C12orf75: variants seen among roughly 807,000 people sequenced by gnomAD.
C12orf75 encodes the protein chromosome 12 open reading frame 75.
C12orf75 carries 4 observed loss-of-function variants against 11.4 expected under a neutral mutation model. That is an observed-to-expected ratio of 0.35 (90% CI 0.17 to 0.80). The LOEUF (loss-of-function observed/expected upper bound fraction) is 0.80, where lower values mean the gene tolerates loss of function less well. Among genes scored for constraint, C12orf75 ranks in the 30% least tolerant of loss-of-function variants. The pLI, the probability that C12orf75 is intolerant of heterozygous loss-of-function variation, is 0.52. For synonymous variants in C12orf75, 30 were observed against 30.0 expected, an observed-to-expected ratio of 1.00 and a Z score of 0.00; for missense variants, 89 against 80.4, an observed-to-expected ratio of 1.11 and a Z score of -0.41.
intron 2 of C12orf75, among the ~76,000 whole-genome samples, chr12:105,356,255 G>C (rs1416018471): frequency 6.6e-6 from 1 of 152,114 alleles, no homozygotes; most frequent in Non-Finnish European, 1.5e-5. Context: ...TTGTAGTGTA[G>C]ATGGAAGTAA....
chr12:105,370,450 A>G lies in C12orf75; in HGVS notation c.*34-184A>G, dbSNP rs73383217. Among the ~76,000 whole-genome samples the G allele has an allele frequency of 8.9e-3, 1,363 of 152,324 alleles. 19 individuals carry two copies. Among genetic ancestry groups the G allele is most frequent in the African/African-American group, 0.031 (1,280 of 41,556 alleles). On this transcript the variant is annotated intron_variant, in intron 5 of 5. Transcript: ENST00000443585. ...TTCCTACCCAACTTTGCCTCTTTAT[A>G]TAATTATCATCAATGCTTGGCTCTA...
At chr12:105,348,876 T>C (rs185286973) in intron 2 of C12orf75, among the ~76,000 whole-genome samples, 165 of 152,280 alleles carry the variant, frequency 1.1e-3, no homozygotes, top group African/African-American at 3.8e-3. Context: ...TGTTGAATTG[T>C]GTTTTCCATC....
At chr12:105,354,078 A>G (rs144105941) in intron 2 of C12orf75, among the ~76,000 whole-genome samples, 129 of 152,308 alleles carry the variant, frequency 8.5e-4, no homozygotes, top group African/African-American at 2.9e-3. Flanking sequence ...CCTCATAGAT[A>G]CAGACCTTAG....
intron 2 of C12orf75, among the ~76,000 whole-genome samples, chr12:105,355,197 T>C (rs1892764107): frequency 7.1e-6 from 1 of 141,416 alleles, no homozygotes. Flanking sequence ...TTTTTCAGAG[T>C]TTTGCTCTCT....
intron 2 of C12orf75, among the ~76,000 whole-genome samples, chr12:105,361,889 G>T (rs1892871260): frequency 1.3e-5 from 2 of 152,184 alleles, no homozygotes; most frequent in Non-Finnish European, 2.9e-5. Flanking sequence ...GGACCTGGTT[G>T]TCCAGATGAA....
chr12:105,331,202 C>A (rs1372333886), intron 1 of C12orf75, among the ~76,000 whole-genome samples: 1 of 151,856 alleles, frequency 6.6e-6, no homozygotes, highest in East Asian at 1.9e-4. Context: ...CTGCAGCCGC[C>A]GGGGCTCACC....
intron 1 of C12orf75, among the ~76,000 whole-genome samples, chr12:105,339,280 CAAAT>C (rs1892536406): frequency 6.6e-6 from 1 of 151,902 alleles, no homozygotes; most frequent in South Asian, 2.1e-4. Flanking sequence ...TTTTCTAAAA[CAAAT>C]AAGGAGTAAG....
intron 1 of C12orf75, among the ~76,000 whole-genome samples, chr12:105,334,731 T>A (rs1892478764): frequency 6.6e-6 from 1 of 152,200 alleles, no homozygotes; most frequent in Non-Finnish European, 1.5e-5. Flanking sequence ...GTCAGATTCT[T>A]TACTCACTTG....
At chr12:105,358,791 A>G (rs1180657303) in intron 2 of C12orf75, among the ~76,000 whole-genome samples, 1 of 152,172 alleles carries the variant, frequency 6.6e-6, no homozygotes, top group Non-Finnish European at 1.5e-5. Flanking sequence ...CTCGTGTGCA[A>G]CTAGAAAATG....
chr12:105,342,826 TATG>T lies in C12orf75; in HGVS notation c.47-5771_47-5769del, dbSNP rs1892591133. On this transcript the variant is annotated intron_variant, in intron 1 of 5. Transcript: ENST00000443585. Reference sequence around the variant, plus strand: ...AACCAGGGGCAAAGACCAAATATCTTATGATGAAACTGCAATATCAGATTAAGT... The same window carrying T: ...AACCAGGGGCAAAGACCAAATATCTTATGAAACTGCAATATCAGATTAAGT... 2.0e-5 allele frequency among the ~76,000 whole-genome samples: 3 copies of T among 152,176 alleles called. 1 individual carries two copies. The South Asian group carries it at 6.2e-4, about 31-fold the overall frequency.
chr12:105,332,093 C>T lies in C12orf75; in HGVS notation c.46+1156C>T, dbSNP rs1592874325. 4.6e-5 allele frequency among the ~76,000 whole-genome samples: 7 copies of T among 152,288 alleles called. 1 individual carries two copies. The highest frequency in any genetic ancestry group is 4.6e-4 in the Admixed American group (7 of 15,292). ...GAGCGAACTTTTTAGATTCATTTAA[C>T]AGTGGGGAAGGTTAGTGTAGCACCT... On this transcript the variant is annotated intron_variant, in intron 1 of 5. Transcript: ENST00000443585.
chr12:105,336,666 C>T (rs1007438367), intron 1 of C12orf75, among the ~76,000 whole-genome samples: 1 of 152,046 alleles, frequency 6.6e-6, no homozygotes, highest in Admixed American at 6.5e-5. Flanking sequence ...GTTGAGGTCA[C>T]AGATACGTGG....
intron 1 of C12orf75, among the ~76,000 whole-genome samples, chr12:105,331,591 A>AACACACACACACACACAC (rs71440581): frequency 2.1e-4 from 32 of 149,290 alleles, no homozygotes; most frequent in African/African-American, 7.6e-4. Flanking sequence ...CTTTTCATTA[A>AACACACACACACACACAC]ACACACACAC....
At chr12:105,366,965 A>G (rs1383947151) in intron 4 of C12orf75, among the ~76,000 whole-genome samples, 1 of 152,222 alleles carries the variant, frequency 6.6e-6, no homozygotes, top group Non-Finnish European at 1.5e-5. Flanking sequence ...CAGTGTGAAA[A>G]TGAAAGCTAA....
chr12:105,353,050 AT>A (rs1467556733), intron 2 of C12orf75, among the ~76,000 whole-genome samples: 1 of 152,184 alleles, frequency 6.6e-6, no homozygotes, highest in Non-Finnish European at 1.5e-5. Flanking sequence ...ATTCTCAGCT[AT>A]TTGGCACAAA....
At chr12:105,333,771 A>G (rs1892466896) in intron 1 of C12orf75, among the ~76,000 whole-genome samples, 1 of 152,214 alleles carries the variant, frequency 6.6e-6, no homozygotes, top group Non-Finnish European at 1.5e-5. Flanking sequence ...ACTATATAAT[A>G]ATATTATTAT....
At chr12:105,366,002 C>A in intron 3 of C12orf75, 160 bp downstream of exon 3, 1 of 659,508 alleles carries the variant, frequency 1.5e-6, no homozygotes, top group Non-Finnish European at 2.8e-6. Context: ...AGAACTTGCC[C>A]AGGATTCATC....
At chr12:105,343,770 C>A (rs79300464) in intron 1 of C12orf75, among the ~76,000 whole-genome samples, 4,079 of 151,700 alleles carry the variant, frequency 0.027, 216 homozygotes, top group African/African-American at 0.092. Context: ...ATTCTCATTA[C>A]CCTGGTTACA....
intron 2 of C12orf75, among the ~76,000 whole-genome samples, chr12:105,358,593 T>G (rs1892818181): frequency 6.6e-6 from 1 of 152,208 alleles, no homozygotes. Flanking sequence ...AGGTTATGAT[T>G]AAAAAATATT....
Sources: allele counts gnomAD v4.1 joint callset (sites outside exome capture counted in the v4.1 genomes callset), GRCh38; gene constraint gnomAD v4.1.1; transcripts MANE v1.5; gene names NCBI Gene and HGNC (gene_info 2026-07-23, HGNC 2026-07-21).